GDAP1: variants seen among roughly 807,000 people sequenced by gnomAD.
The protein encoded by GDAP1 is ganglioside induced differentiation associated protein 1, also known as ganglioside-induced differentiation-associated protein 1.
Under a neutral mutation model 40.1 loss-of-function variants are expected in GDAP1, and 34 were observed. The observed-to-expected ratio is 0.85, with a 90% CI of 0.64 to 1.13. GDAP1 has a LOEUF of 1.13. GDAP1 is among the 50% of genes most tolerant of loss of function. GDAP1 has a pLI of 0.00. For synonymous variants in GDAP1, 170 were observed against 157.4 expected, an observed-to-expected ratio of 1.08 and a Z score of -0.60; for missense variants, 374 against 433.7, an observed-to-expected ratio of 0.86 and a Z score of 1.22.
chr8:74,393,864 A>G (rs948023397), intron 2 of GDAP1, among the ~76,000 whole-genome samples: 1 of 152,160 alleles, frequency 6.6e-6, no homozygotes, highest in Admixed American at 6.5e-5. Context: ...CTGAGAGATA[A>G]CTAGAACCCT....
intron 2 of GDAP1, among the ~76,000 whole-genome samples, chr8:74,426,089 C>T (rs1805944280): frequency 1.3e-5 from 2 of 152,200 alleles, no homozygotes; most frequent in South Asian, 4.1e-4. Flanking sequence ...TATAGGCATG[C>T]ATGCATGTGC....
chr8:74,419,313 A>G (rs1805826375), intron 2 of GDAP1, among the ~76,000 whole-genome samples: 1 of 152,224 alleles, frequency 6.6e-6, no homozygotes, highest in South Asian at 2.1e-4. Flanking sequence ...ACTGTGGGGT[A>G]TTCATATAAT....
In GDAP1 at chr8:74,360,141, A is replaced by G; in HGVS notation, c.315A>G (p.Arg105=). 6.2e-7 allele frequency: 1 copy of G among 1,611,156 alleles called. No homozygotes were observed. The highest frequency in any genetic ancestry group is 8.5e-7 in the Non-Finnish European group (1 of 1,177,306). ...DYLEQTFLDE[R]TPRLMPDKES... ...ATTTGTGTGTGTGTATTTTAGAAAG[A>G]ACACCCAGGTTAATGCCTGATAAAG... The change falls in exon 3 of 6, where the codon AGA becomes AGG. Residue 105 remains arginine, a synonymous_variant. Transcript: ENST00000220822.
intron 2 of GDAP1, among the ~76,000 whole-genome samples, chr8:74,374,570 G>A (rs1278866355): frequency 6.6e-6 from 1 of 151,750 alleles, no homozygotes; most frequent in African/African-American, 2.4e-5. Context: ...ATTCATCCTT[G>A]GAAAGACTAA....
intron 2 of GDAP1, among the ~76,000 whole-genome samples, chr8:74,408,714 G>A (rs900529486): frequency 1.3e-5 from 2 of 150,044 alleles, no homozygotes; most frequent in African/African-American, 2.5e-5. Flanking sequence ...GGGTGAAAGA[G>A]TAGAATGTGG....
At chr8:74,393,559 C>G (rs888417319) in intron 2 of GDAP1, among the ~76,000 whole-genome samples, 1 of 151,960 alleles carries the variant, frequency 6.6e-6, no homozygotes, top group Admixed American at 6.6e-5. Context: ...TTTATTGTGA[C>G]CAAGGAAAGA....
At chr8:74,483,105 A>G (rs1806732767) in intron 2 of GDAP1, among the ~76,000 whole-genome samples, 1 of 152,178 alleles carries the variant, frequency 6.6e-6, no homozygotes, top group Non-Finnish European at 1.5e-5. Flanking sequence ...TAAATGAATG[A>G]GACCATAGAG....
chr8:74,376,347 CTTTT>C (rs374478811), intron 2 of GDAP1, among the ~76,000 whole-genome samples: 1 of 126,996 alleles, frequency 7.9e-6, no homozygotes, highest in Non-Finnish European at 1.7e-5. Context: ...TTAGAGGGAT[CTTTT>C]TTTTTTTTTT....
intron 2 of GDAP1, among the ~76,000 whole-genome samples, chr8:74,432,401 A>G (rs1032774519): frequency 6.6e-6 from 1 of 152,112 alleles, no homozygotes; most frequent in African/African-American, 2.4e-5. Context: ...CCTTTACCTA[A>G]AGCACATTTA....
intron 2 of GDAP1, among the ~76,000 whole-genome samples, chr8:74,416,965 TGG>T (rs1805791340): frequency 6.8e-6 from 1 of 146,076 alleles, no homozygotes; most frequent in East Asian, 2.0e-4. Flanking sequence ...AGTGCACTGC[TGG>T]GCTTGGGAAG....
chr8:74,360,139 A>G lies in GDAP1; in HGVS notation c.313A>G (p.Arg105Gly). ...ATATTTGTGTGTGTGTATTTTAGAA[A>G]GAACACCCAGGTTAATGCCTGATAA... ...DYLEQTFLDE[R>G]TPRLMPDKES... Residue 105 changes from arginine (R) to glycine (G), a missense_variant and splice_region_variant, in exon 3 of 6, where the codon AGA (arginine) becomes GGA (glycine). By Grantham distance (125) the Arg-to-Gly change is moderately radical (BLOSUM62 -2). Transcript: ENST00000220822. 2.5e-6 allele frequency: 4 copies of G among 1,611,582 alleles called. No homozygotes were observed. The highest frequency in any genetic ancestry group is 1.7e-4 in the Middle Eastern group (1 of 6,052).
intron 2 of GDAP1, among the ~76,000 whole-genome samples, chr8:74,374,070 C>T (rs1033644507): frequency 3.3e-5 from 5 of 152,156 alleles, no homozygotes; most frequent in Admixed American, 2.6e-4. Flanking sequence ...TATTGATTGG[C>T]GTACGTTGAA....
At chr8:74,427,417 A>G (rs1483397410) in intron 2 of GDAP1, among the ~76,000 whole-genome samples, 5 of 152,196 alleles carry the variant, frequency 3.3e-5, no homozygotes, top group Non-Finnish European at 7.3e-5. Flanking sequence ...TTATACAACA[A>G]CTGATAACTG....
intron 2 of GDAP1, among the ~76,000 whole-genome samples, chr8:74,423,425 T>C (rs1805907477): frequency 6.8e-6 from 1 of 147,884 alleles, no homozygotes; most frequent in South Asian, 2.1e-4. Context: ...TATATACTAT[T>C]TATTGTATAT....
chr8:74,380,291 C>G (rs1254390595), intron 2 of GDAP1, among the ~76,000 whole-genome samples: 1 of 152,128 alleles, frequency 6.6e-6, no homozygotes, highest in African/African-American at 2.4e-5. Flanking sequence ...TGATTAGTGA[C>G]TAGTCTTTCA....
intron 2 of GDAP1, among the ~76,000 whole-genome samples, chr8:74,448,697 C>A (rs1806261821): frequency 6.6e-6 from 1 of 151,932 alleles, no homozygotes; most frequent in African/African-American, 2.4e-5. Context: ...ATTTTGAGAA[C>A]CTTTTCATGT....
chr8:74,351,448 GA>G lies in GDAP1; in HGVS notation c.294del (p.Glu98AspfsTer12). ...CEATQIIDYL[E>X]QTFLDERTPR... ...GGCCACTCAGATCATTGATTATCTT[GA>G]ACAGACTTTCCTGGATGGTAATGTT... On this transcript the variant is annotated frameshift_variant, in exon 2 of 6. Transcript: ENST00000220822. LOFTEE classifies it high-confidence loss of function. 1 of 1,613,254 alleles carries G rather than the reference GA, an allele frequency of 6.2e-7. No homozygotes were observed. Among genetic ancestry groups the G allele is most frequent in the Non-Finnish European group, 8.5e-7 (1 of 1,179,212 alleles).
chr8:74,406,253 A>G (rs1312374496), intron 2 of GDAP1, among the ~76,000 whole-genome samples: 1 of 150,354 alleles, frequency 6.7e-6, no homozygotes, highest in Non-Finnish European at 1.5e-5. Context: ...TTTCAACAGC[A>G]TGGCCATATG....
chr8:74,442,607 A>G (rs1412724134), intron 2 of GDAP1, among the ~76,000 whole-genome samples: 1 of 152,238 alleles, frequency 6.6e-6, no homozygotes, highest in Non-Finnish European at 1.5e-5. Flanking sequence ...GGAGATTATT[A>G]TTCATTTAGA....
Sources: allele counts gnomAD v4.1 joint callset (sites outside exome capture counted in the v4.1 genomes callset), GRCh38; gene constraint gnomAD v4.1.1; transcripts MANE v1.5; gene names NCBI Gene and HGNC (gene_info 2026-07-23, HGNC 2026-07-21).